The following CEP131 variants were observed in gnomAD, a reference collection of about 807,000 sequenced individuals.
The protein encoded by CEP131 is centrosomal protein 131, also known as centrosomal protein of 131 kDa.
CEP131 carries 99 observed loss-of-function variants against 136.8 expected under a neutral mutation model. The ratio of observed to expected loss-of-function variants is 0.72; its 90% CI spans 0.62 to 0.86. The LOEUF (loss-of-function observed/expected upper bound fraction) is 0.86. Among genes scored for constraint, CEP131 ranks in the 40% least tolerant of loss-of-function variants. The pLI is 0.00. For missense variants in CEP131, 1,459 were observed against 1,463.0 expected (o/e 1.00, Z 0.04); for synonymous variants, 646 against 612.7 (o/e 1.05, Z -0.80).
intron 2 of CEP131, among the ~76,000 whole-genome samples, chr17:81,218,352 G>C (rs72858489): frequency 3.9e-5 from 6 of 152,148 alleles, no homozygotes; most frequent in African/African-American, 1.2e-4. Context: ...CCAGATCTGC[G>C]ATTTCGAGTG....
chr17:81,192,604 G>A lies in CEP131; in HGVS notation c.2430-11C>T, dbSNP rs1471889081. ...AGCTCCGCCCGCTGCCTGCGGCCAG[G>A]GAGGAGTCAGCAGGTGAGGGGTCAT... On this transcript the variant is annotated splice_polypyrimidine_tract_variant and intron_variant, in intron 19 of 25. Coordinates refer to ENST00000450824, the MANE Select transcript of CEP131 (RefSeq NM_014984.4). The A allele has an allele frequency of 1.9e-5, 31 of 1,601,836 alleles. No individual in the cohort carries two copies. The highest frequency in any genetic ancestry group is 2.7e-5 in the African/African-American group (2 of 74,760).
rs73356015 is a variant in CEP131, at chr17:81,200,459, C to A, written c.789-13G>T. The A allele has an allele frequency of 4.1e-3, 6,273 of 1,536,834 alleles. 148 individuals are homozygous for A. In the African/African-American group the frequency reaches 0.058, roughly 14 times the overall value. On this transcript the variant is annotated splice_polypyrimidine_tract_variant and intron_variant, in intron 7 of 25. Transcript: ENST00000450824. ...CTGGTGGATAAACCTGCCCGGAGAGCAGGACTCAGGGCCAAGACAGGACCA... is the reference window on the plus strand; with the variant it reads ...CTGGTGGATAAACCTGCCCGGAGAGAAGGACTCAGGGCCAAGACAGGACCA...
At chr17:81,205,032 G>T (rs1023678875) in intron 5 of CEP131, among the ~76,000 whole-genome samples, 1 of 152,060 alleles carries the variant, frequency 6.6e-6, no homozygotes, top group African/African-American at 2.4e-5. Flanking sequence ...AGGCTGAGGC[G>T]GGTGGATCAC....
At chr17:81,205,963 T>C (rs996563472) in intron 5 of CEP131, among the ~76,000 whole-genome samples, 1 of 152,146 alleles carries the variant, frequency 6.6e-6, no homozygotes, top group Non-Finnish European at 1.5e-5. Context: ...CCCAGCACTT[T>C]GGGAGGCCAA....
At position 81,201,504 on chromosome 17, in the gene CEP131, G is replaced by A. The variant is rs572633828; in HGVS notation, c.788+736C>T. Reference sequence around the variant, plus strand: ...CCGCCCACAGCCCCTGGAGCTTTGGGTGTTGTTGGCTTTTTTCAGTTCTGT... The same window carrying A: ...CCGCCCACAGCCCCTGGAGCTTTGGATGTTGTTGGCTTTTTTCAGTTCTGT... On this transcript the variant is annotated intron_variant, in intron 7 of 25. Coordinates refer to ENST00000450824, the MANE Select transcript of CEP131 (RefSeq NM_014984.4). 6.6e-5 allele frequency among the ~76,000 whole-genome samples: 10 copies of A among 152,316 alleles called. No individual in the cohort carries two copies. The South Asian group carries it at 1.9e-3, about 28-fold the overall frequency.
intron 19 of CEP131, 51 bp downstream of exon 19, chr17:81,192,685 G>GGGGGGCCCCCC: frequency 2.1e-6 from 1 of 478,438 alleles, no homozygotes; most frequent in Non-Finnish European, 4.1e-6. Flanking sequence ...GGGGGGAGGG[G>GGGGGGCCCCCC]TCAGCCAGCG....
chr17:81,199,072 G>C, intron 10 of CEP131, 101 bp from the exon 11 acceptor site: 1 of 1,190,362 alleles, frequency 8.4e-7, no homozygotes, highest in Non-Finnish European at 1.1e-6. Flanking sequence ...GGGAGGCGGA[G>C]GCGACCCCAG....
intron 7 of CEP131, among the ~76,000 whole-genome samples, chr17:81,200,911 T>A (rs112360817): frequency 0.014 from 2,150 of 152,188 alleles, 51 homozygotes; most frequent in African/African-American, 0.045. Context: ...TGCTGGCATC[T>A]GGGCGGGGAA....
chr17:81,199,499 C>T lies in CEP131; in HGVS notation c.1074G>A (p.Glu358=), dbSNP rs766750195. The T allele has an allele frequency of 6.2e-7, 1 of 1,608,606 alleles. No homozygotes were observed. The highest frequency in any genetic ancestry group is 8.5e-7 in the Non-Finnish European group (1 of 1,178,090). Residue 358 remains glutamate (E), a synonymous_variant, in exon 10 of 26, where the codon GAG becomes GAA. Coordinates refer to ENST00000450824, the MANE Select transcript of CEP131 (RefSeq NM_014984.4). ...ALRAQKASTA[E]RGPPENPRET... is the part of the protein sequence containing the mutation. ...CCCTGGGATTCTCAGGTGGCCCACG[C>T]TCGGCAGTGCTCGCCTTCTGGGCTC...
chr17:81,219,779 G>C lies in CEP131; in HGVS notation c.177+101C>G. 1 of 1,267,192 alleles carries C rather than the reference G, an allele frequency of 7.9e-7. No individual in the cohort carries two copies. Among genetic ancestry groups the C allele is most frequent in the Non-Finnish European group, 1.1e-6 (1 of 940,712 alleles). The allele number at this position is 1,267,192 out of a possible 1,614,324, so 78.5% of individuals were successfully genotyped here. A position where few individuals can be genotyped will look rare whatever the true frequency, so the allele number is the denominator to read the frequency against. On this transcript the variant is annotated intron_variant, in intron 2 of 25. Coordinates refer to ENST00000450824, the MANE Select transcript of CEP131 (RefSeq NM_014984.4). This position sits in a 1 kb window ranked among gnomAD's most constrained non-coding sequence, Gnocchi z 4.0. Reference sequence around the variant, plus strand: ...GAGGATCCAGCATGTCCAGATGTGAGGCACTTGTTCACCTGTGGAGCTGGA... The same window carrying C: ...GAGGATCCAGCATGTCCAGATGTGACGCACTTGTTCACCTGTGGAGCTGGA...
intron 19 of CEP131, 63 bp downstream of exon 19, chr17:81,192,673 C>CGGGGGGGGGG (rs929723589): frequency 1.5e-5 from 3 of 204,532 alleles, no homozygotes; most frequent in Admixed American, 1.1e-4. Flanking sequence ...GGTGAGGGGG[C>CGGGGGGGGGG]GGGGGGGAGG....
chr17:81,199,578 C>A (rs75140734), intron 9 of CEP131, 29 bp from the exon 10 acceptor site: 8 of 1,596,688 alleles, frequency 5.0e-6, no homozygotes, highest in Non-Finnish European at 6.0e-6. Flanking sequence ...TGAGCACTGT[C>A]CCTGGGAGAG....
chr17:81,197,482 G>A (rs973364162), intron 13 of CEP131: 31 of 639,266 alleles, frequency 4.8e-5, no homozygotes, highest in Non-Finnish European at 6.0e-5. Context: ...TGGGGAATGC[G>A]GGCCCTGCCA....
chr17:81,197,700 G>A lies in CEP131; in HGVS notation c.1647+12C>T. On this transcript the variant is annotated intron_variant, in intron 13 of 25. Transcript: ENST00000450824. ...CCCACTGGGGGCCGGGTGCGGGCTG[G>A]TGAGGGGCCACCTCCTGCTGGGAGT... 2 of 1,604,820 alleles carry A rather than the reference G, an allele frequency of 1.2e-6. No individual in the cohort carries two copies. The highest frequency in any genetic ancestry group is 2.2e-5 in the South Asian group (2 of 90,742).
intron 8 of CEP131, 197 bp downstream of exon 8, chr17:81,200,132 C>G: frequency 3.3e-6 from 2 of 613,814 alleles, no homozygotes; most frequent in Middle Eastern, 8.4e-4. Flanking sequence ...TTCCTGACAC[C>G]CAGGCCCTGA....
At chr17:81,213,231 T>C (rs2062172753) in intron 2 of CEP131, among the ~76,000 whole-genome samples, 1 of 152,094 alleles carries the variant, frequency 6.6e-6, no homozygotes, top group Admixed American at 6.6e-5. Context: ...GTAAAATAAA[T>C]ATCCACGAGT....
intron 2 of CEP131, among the ~76,000 whole-genome samples, chr17:81,218,024 C>T (rs893869404): frequency 6.6e-6 from 1 of 151,560 alleles, no homozygotes; most frequent in African/African-American, 2.4e-5. Flanking sequence ...TCTCCCTCCC[C>T]CTCCCCCTCC....
intron 7 of CEP131, 26 bp downstream of exon 7, chr17:81,202,214 C>G (rs370160042): frequency 1.4e-5 from 21 of 1,544,500 alleles, no homozygotes; most frequent in African/African-American, 1.2e-4. Context: ...GCTCAGGCCC[C>G]CCCCCACCGC....
chr17:81,195,882 G>C lies in CEP131; in HGVS notation c.1969C>G (p.Gln657Glu), dbSNP rs1385015041. Reference sequence around the variant, plus strand: ...TGGGCCACACGCTCGGTGCATCTCTGGTCCTCCTGCTTCAGCTCGGCCACC... The same window carrying C: ...TGGGCCACACGCTCGGTGCATCTCTCGTCCTCCTGCTTCAGCTCGGCCACC... ...AVVAELKQED[Q>E]RCTERVAQAQ... The change falls in exon 16 of 26, where the codon CAG (glutamine) becomes GAG (glutamate). Residue 657 changes from glutamine to glutamate, a missense_variant. Physicochemically the swap from Gln to Glu is conservative, Grantham distance 29. This residue lies in a region of CEP131 where 1,026 missense variants were observed against 964.2 expected (regional missense o/e 1.06). Transcript: ENST00000450824. The C allele has an allele frequency of 5.0e-6, 8 of 1,609,124 alleles. No homozygotes were observed. Among genetic ancestry groups the C allele is most frequent in the Non-Finnish European group, 5.9e-6 (7 of 1,179,930 alleles).
Sources: gnomAD v4.1 joint callset for allele counts (sites outside exome capture counted in the v4.1 genomes callset) on GRCh38, gnomAD v4.1.1 for gene constraint, gnomAD v4.1.1 regional missense constraint, Gnocchi (gnomAD v3.1) non-coding constraint, MANE v1.5 for transcripts, NCBI Gene and HGNC (gene_info 2026-07-23, HGNC 2026-07-21) for gene names.